Variants in SLIT3 observed in about 807,000 individuals in gnomAD.
The protein encoded by SLIT3 is slit guidance ligand 3.
A neutral mutation model predicts 184.0 loss-of-function variants in SLIT3; 68 were observed. That is an observed-to-expected ratio of 0.37 (90% CI 0.30 to 0.45). SLIT3 has a LOEUF of 0.45. SLIT3 is among the 20% of genes least tolerant of loss of function. The pLI is 1.00. For synonymous variants in SLIT3, 831 were observed against 828.6 expected (o/e 1.00, Z -0.05); for missense variants, 1,707 against 2,026.0 (o/e 0.84, Z 3.02).
intron 7 of SLIT3, 111 bp from the exon 8 acceptor site, chr5:168,817,574 A>G: frequency 9.7e-7 from 1 of 1,026,246 alleles, no homozygotes; most frequent in Non-Finnish European, 1.4e-6. Flanking sequence ...CAGTGTGAAA[A>G]TCCCTAGGAG....
chr5:169,101,497 C>T (rs1760013188), intron 4 of SLIT3, among the ~76,000 whole-genome samples: 1 of 152,168 alleles, frequency 6.6e-6, no homozygotes, highest in Non-Finnish European at 1.5e-5. Flanking sequence ...AGATCTTCAA[C>T]TCCATGAGAT....
chr5:169,259,151 C>A (rs1766076781), intron 1 of SLIT3, among the ~76,000 whole-genome samples: 1 of 152,214 alleles, frequency 6.6e-6, no homozygotes, highest in Non-Finnish European at 1.5e-5. Context: ...CACCTCACTG[C>A]AACCTCCACC....
intron 4 of SLIT3, among the ~76,000 whole-genome samples, chr5:169,018,887 C>T (rs1236795780): frequency 1.3e-5 from 2 of 152,164 alleles, no homozygotes; most frequent in Non-Finnish European, 2.9e-5. Context: ...TCTGGGACTC[C>T]TTTCCCTAGG....
chr5:168,909,618 A>G (rs1182932441), intron 4 of SLIT3, among the ~76,000 whole-genome samples: 1 of 152,188 alleles, frequency 6.6e-6, no homozygotes, highest in Non-Finnish European at 1.5e-5. Context: ...CTTTACTTGA[A>G]GACATTTGAG....
chr5:169,041,045 T>C (rs940613273), intron 4 of SLIT3, among the ~76,000 whole-genome samples: 1 of 152,252 alleles, frequency 6.6e-6, no homozygotes, highest in African/African-American at 2.4e-5. Context: ...ACTGGATGAA[T>C]ATTCCACATT....
intron 4 of SLIT3, among the ~76,000 whole-genome samples, chr5:168,886,117 T>C (rs775712081): frequency 1.3e-5 from 2 of 152,248 alleles, no homozygotes; most frequent in African/African-American, 2.4e-5. Flanking sequence ...CAGTAGATTG[T>C]AGGGAATTTA....
At chr5:168,979,051 T>A (rs750037694) in intron 4 of SLIT3, among the ~76,000 whole-genome samples, 4 of 152,176 alleles carry the variant, frequency 2.6e-5, no homozygotes, top group Non-Finnish European at 5.9e-5. Flanking sequence ...GGGGCAATTG[T>A]CCTTCCTTTG....
chr5:168,750,395 C>T (rs555860087), intron 18 of SLIT3, among the ~76,000 whole-genome samples: 1 of 152,338 alleles, frequency 6.6e-6, no homozygotes, highest in South Asian at 2.1e-4. Flanking sequence ...GTAACATTAT[C>T]TTCCTTTTCT....
chr5:168,797,549 T>C (rs1170581709), intron 9 of SLIT3, among the ~76,000 whole-genome samples: 1 of 152,172 alleles, frequency 6.6e-6, no homozygotes, highest in Non-Finnish European at 1.5e-5. Flanking sequence ...ACCCTCCATC[T>C]TAATGATGGG....
intron 4 of SLIT3, among the ~76,000 whole-genome samples, chr5:168,885,354 G>A (rs533148734): frequency 6.6e-6 from 1 of 152,306 alleles, no homozygotes; most frequent in East Asian, 1.9e-4. Context: ...CCCCCAGCCA[G>A]GCCTGATTCA....
intron 14 of SLIT3, among the ~76,000 whole-genome samples, chr5:168,765,418 G>T (rs1043904209): frequency 3.3e-5 from 5 of 152,178 alleles, no homozygotes; most frequent in Non-Finnish European, 7.3e-5. Flanking sequence ...TAACAAGGGG[G>T]TCGGAATGTG....
chr5:169,020,531 C>T (rs1382270072), intron 4 of SLIT3, among the ~76,000 whole-genome samples: 2 of 152,144 alleles, frequency 1.3e-5, no homozygotes, highest in East Asian at 1.9e-4. Flanking sequence ...TTAAGAAAAG[C>T]CATTTTGGTC....
chr5:168,921,289 G>C (rs1198232167), intron 4 of SLIT3, among the ~76,000 whole-genome samples: 1 of 152,160 alleles, frequency 6.6e-6, no homozygotes, highest in East Asian at 1.9e-4. Context: ...CTTCTCTCAC[G>C]CTTCCACTCC....
intron 4 of SLIT3, among the ~76,000 whole-genome samples, chr5:169,084,454 ATTTTTTTTTTTTTT>A (rs56062027): frequency 4.9e-5 from 5 of 101,418 alleles, no homozygotes; most frequent in African/African-American, 1.9e-4. Context: ...CCATGCCCAG[ATTTTTTTTTTTTTT>A]TTTTTTTTTT....
intron 4 of SLIT3, among the ~76,000 whole-genome samples, chr5:169,155,387 A>T (rs566930683): frequency 6.6e-6 from 1 of 152,340 alleles, no homozygotes; most frequent in African/African-American, 2.4e-5. Context: ...ATAATGCAAC[A>T]TCATGCATAA....
chr5:168,722,263 G>T lies in SLIT3; in HGVS notation c.2476C>A (p.Arg826=). Residue 826 remains arginine (R), a synonymous_variant, in exon 23 of 36, where the codon CGA becomes AGA. Coordinates refer to ENST00000519560, the MANE Select transcript of SLIT3 (RefSeq NM_003062.4). The stretch of plus-strand genomic sequence containing the variant: ...GCACATTGGGGTACTCACAGCACTC[G>T]CAGGGACCGCAGCCCGTTGAAGGCG... ...VHAFNGLRSL[R]VLTLHGNDIS... is the part of the protein sequence containing the mutation. 2 of 1,613,954 alleles carry T rather than the reference G, an allele frequency of 1.2e-6. No homozygotes were observed. Among genetic ancestry groups the T allele is most frequent in the South Asian group, 1.1e-5 (1 of 91,074 alleles).
At position 168,867,432 on chromosome 5, in the gene SLIT3, T is replaced by C. The variant is rs115628861; in HGVS notation, c.485+15833A>G. ...AACAATCTGTCTAAATAAACAATGA[T>C]GAGTCAAGCTAAAGAATGTGTTGGT... On this transcript the variant is annotated intron_variant, in intron 5 of 35. Coordinates refer to ENST00000519560, the MANE Select transcript of SLIT3 (RefSeq NM_003062.4). Among the ~76,000 whole-genome samples, 127 of 152,300 alleles carry C rather than the reference T, an allele frequency of 8.3e-4. 1 individual carries two copies. Among genetic ancestry groups the C allele is most frequent in the South Asian group, 1.9e-3 (9 of 4,828 alleles).
intron 4 of SLIT3, among the ~76,000 whole-genome samples, chr5:168,980,966 A>G (rs997345846): frequency 6.6e-6 from 1 of 152,244 alleles, no homozygotes; most frequent in Admixed American, 6.5e-5. Flanking sequence ...CTATACAATG[A>G]AATACCATGA....
intron 3 of SLIT3, 62 bp from the exon 4 acceptor site, chr5:169,193,612 G>C: frequency 1.6e-6 from 2 of 1,216,326 alleles, no homozygotes; most frequent in Non-Finnish European, 2.4e-6. Flanking sequence ...AACGTATTCA[G>C]ATACCACTTT....
Sources: allele counts gnomAD v4.1 joint callset (sites outside exome capture counted in the v4.1 genomes callset), GRCh38; gene constraint gnomAD v4.1.1; transcripts MANE v1.5; gene names NCBI Gene and HGNC (gene_info 2026-07-23, HGNC 2026-07-21).